Variants in CAST observed in about 807,000 individuals in gnomAD.
CAST encodes MIR583 host.
CAST carries 76 observed loss-of-function variants against 119.6 expected under a neutral mutation model. That is an observed-to-expected ratio of 0.64 (90% CI 0.53 to 0.77). The LOEUF (loss-of-function observed/expected upper bound fraction) is 0.77, where lower values mean the gene tolerates loss of function less well. Among genes scored for constraint, CAST ranks in the 30% least tolerant of loss-of-function variants. CAST has a pLI of 0.00. For missense variants in CAST, 953 were observed against 946.5 expected (o/e 1.01, Z -0.09); for synonymous variants, 319 against 331.6 (o/e 0.96, Z 0.41).
At chr5:96,062,433 A>G in the CAST span, among the ~76,000 whole-genome samples, 1 of 152,162 alleles carries the variant, frequency 6.6e-6, no homozygotes, top group Non-Finnish European at 1.5e-5. Flanking sequence ...TGAAGGCTTG[A>G]AAGTTGGAGT....
At chr5:96,656,156 C>T (rs1748155403) in intron 1 of CAST, among the ~76,000 whole-genome samples, 1 of 152,106 alleles carries the variant, frequency 6.6e-6, no homozygotes, top group Non-Finnish European at 1.5e-5. Context: ...GTACTAGTTG[C>T]AATGTAAAAT....
chr5:96,511,376 TC>T, the CAST span, among the ~76,000 whole-genome samples: 1 of 152,162 alleles, frequency 6.6e-6, no homozygotes, highest in South Asian at 2.1e-4. Context: ...TCTCTTGATC[TC>T]GTGATCTACC....
At chr5:96,327,089 T>G in the CAST span, among the ~76,000 whole-genome samples, 1 of 152,218 alleles carries the variant, frequency 6.6e-6, no homozygotes, top group African/African-American at 2.4e-5. Flanking sequence ...CAGTTTAATT[T>G]CAGTTCTGTT....
the CAST span, among the ~76,000 whole-genome samples, chr5:96,423,019 T>G: frequency 6.6e-6 from 1 of 152,188 alleles, no homozygotes; most frequent in Non-Finnish European, 1.5e-5. Context: ...CCCCAAACAC[T>G]GAGCAACTCA....
At chr5:96,397,405 C>T in the CAST span, 3 of 1,611,490 alleles carry the variant, frequency 1.9e-6, no homozygotes, top group Non-Finnish European at 8.5e-7. Context: ...ACATGAAGTC[C>T]CAATTCTTAA....
intron 1 of CAST, among the ~76,000 whole-genome samples, chr5:96,559,255 T>G (rs1013316543): frequency 6.6e-6 from 1 of 152,190 alleles, no homozygotes; most frequent in African/African-American, 2.4e-5. Context: ...AATATCATAC[T>G]GAATGGGCAA....
chr5:96,695,035 G>A (rs766225092), intron 2 of CAST, among the ~76,000 whole-genome samples: 3 of 152,062 alleles, frequency 2.0e-5, no homozygotes, highest in Non-Finnish European at 2.9e-5. Flanking sequence ...CTCCCATAAC[G>A]TAACCCCCTA....
At chr5:96,692,432 C>G (rs1752833182) in intron 2 of CAST, among the ~76,000 whole-genome samples, 1 of 152,134 alleles carries the variant, frequency 6.6e-6, no homozygotes, top group Admixed American at 6.6e-5. Flanking sequence ...GACTATAGGG[C>G]TATTCTGATC....
chr5:96,274,301 A>G, the CAST span, among the ~76,000 whole-genome samples: 2 of 151,818 alleles, frequency 1.3e-5, no homozygotes, highest in African/African-American at 4.8e-5. Context: ...ACGGGGTTTC[A>G]CTGTGTTAGC....
the CAST span, among the ~76,000 whole-genome samples, chr5:95,984,748 A>G: frequency 6.6e-6 from 1 of 152,212 alleles, no homozygotes; most frequent in East Asian, 1.9e-4. Context: ...CCTAAACAGT[A>G]GTAACTAGAT....
chr5:96,336,649 G>A, the CAST span, among the ~76,000 whole-genome samples: 1 of 152,190 alleles, frequency 6.6e-6, no homozygotes, highest in East Asian at 1.9e-4. Context: ...TTTCTTGTGA[G>A]GTTTTGCTGT....
chr5:96,432,346 G>A, the CAST span, among the ~76,000 whole-genome samples: 5 of 152,190 alleles, frequency 3.3e-5, no homozygotes, highest in East Asian at 9.7e-4. Flanking sequence ...CCAATGCCCT[G>A]GGCGTGCCCT....
At chr5:96,285,682 G>C in the CAST span, among the ~76,000 whole-genome samples, 1 of 152,274 alleles carries the variant, frequency 6.6e-6, no homozygotes, top group East Asian at 1.9e-4. Flanking sequence ...TTCTTTGTCT[G>C]TGGAAAGTTC....
chr5:96,299,007 A>G, the CAST span, among the ~76,000 whole-genome samples: 1 of 152,076 alleles, frequency 6.6e-6, no homozygotes, highest in South Asian at 2.1e-4. Context: ...TGGGAGGCCG[A>G]GGCGGATGGA....
At chr5:96,307,828 G>A in the CAST span, among the ~76,000 whole-genome samples, 124,876 of 152,208 alleles carry the variant, frequency 0.82, 52,544 homozygotes, top group Non-Finnish European at 0.92. Context: ...TCCACTGCTA[G>A]TCTGATGGGC....
chr5:96,720,760 A>C (rs1292071548), intron 3 of CAST, among the ~76,000 whole-genome samples: 1 of 152,264 alleles, frequency 6.6e-6, no homozygotes, highest in African/African-American at 2.4e-5. Flanking sequence ...GTAACAAGGC[A>C]GGCTGGACAA....
chr5:95,964,706 A>G, the CAST span, among the ~76,000 whole-genome samples: 1 of 152,222 alleles, frequency 6.6e-6, no homozygotes, highest in Non-Finnish European at 1.5e-5. Flanking sequence ...TTTATGAAGG[A>G]GGAACTGAGA....
the CAST span, among the ~76,000 whole-genome samples, chr5:96,291,852 G>GTGTA: frequency 5.7e-5 from 8 of 140,956 alleles, no homozygotes; most frequent in South Asian, 2.3e-4. Context: ...GCGTGTGTGT[G>GTGTA]TGTGTGTGTG....
upstream of CAST, among the ~76,000 whole-genome samples, chr5:96,660,798 C>T (rs907187956): frequency 4.6e-5 from 7 of 152,078 alleles, no homozygotes; most frequent in African/African-American, 1.7e-4. Flanking sequence ...AGTTTCCCTC[C>T]TTTCTGAATG....
Sources: allele counts gnomAD v4.1 joint callset (sites outside exome capture counted in the v4.1 genomes callset), GRCh38; gene constraint gnomAD v4.1.1; transcripts MANE v1.5; gene names NCBI Gene and HGNC (gene_info 2026-07-23, HGNC 2026-07-21).